The following TENM3 variants were observed in gnomAD, a reference collection of about 807,000 sequenced individuals.
TENM3 encodes teneurin-3.
In TENM3, 63 loss-of-function variants were observed where a neutral mutation model predicts 255.1. The observed-to-expected ratio is 0.25, with a 90% confidence interval of 0.20 to 0.30. The LOEUF is 0.30. TENM3 is among the 10% of genes least tolerant of loss of function. The pLI, the probability that TENM3 is intolerant of heterozygous loss-of-function variation, is 1.00. For synonymous variants in TENM3, 1,306 were observed against 1,322.3 expected (o/e 0.99, Z 0.27); for missense variants, 2,929 against 3,461.1 (o/e 0.85, Z 3.86).
chr4:182,609,394 T>C (rs573767186), intron 4 of TENM3, among the ~76,000 whole-genome samples: 38 of 152,362 alleles, frequency 2.5e-4, no homozygotes, highest in Admixed American at 9.1e-4. Flanking sequence ...TTTGCCTACT[T>C]TCTTCTCCAC....
Position 182,598,497 on chromosome 4 carries a change from AC to A in TENM3, c.512-2425del, listed in dbSNP as rs538847840. 8.3e-3 allele frequency among the ~76,000 whole-genome samples: 1,261 copies of A among 152,268 alleles called. 9 individuals carry two copies. The highest frequency in any genetic ancestry group is 0.012 in the Non-Finnish European group (832 of 68,026). On this transcript the variant is annotated intron_variant, in intron 3 of 27. Transcript: ENST00000511685. The stretch of plus-strand genomic sequence containing the variant: ...AAAGCAGCAGCTGCTTATTTTTGAA[AC>A]CTTAATGGAAGTTTTCCCAATGGTT...
intron 2 of TENM3, among the ~76,000 whole-genome samples, chr4:182,338,124 C>T (rs936695276): frequency 1.3e-5 from 2 of 152,046 alleles, no homozygotes; most frequent in African/African-American, 4.8e-5. Flanking sequence ...ATAAATACAA[C>T]AGAAGCAAAA....
intron 1 of TENM3, among the ~76,000 whole-genome samples, chr4:182,210,585 A>G (rs1382381841): frequency 1.4e-5 from 2 of 147,490 alleles, no homozygotes; most frequent in Non-Finnish European, 3.0e-5. Context: ...ATTTTTTAGA[A>G]CTGTCTCGCT....
chr4:181,629,549 C>T, the TENM3 span, among the ~76,000 whole-genome samples: 4 of 152,220 alleles, frequency 2.6e-5, no homozygotes, highest in Admixed American at 6.5e-5. Context: ...GCATGAAGGG[C>T]TGTTGAATTT....
In TENM3 at chr4:182,800,447, C is replaced by T; in HGVS notation, c.*96C>T. 7.2e-7 allele frequency: 1 copy of T among 1,397,222 alleles called. No homozygotes were observed. Among genetic ancestry groups the T allele is most frequent in the Non-Finnish European group, 9.4e-7 (1 of 1,061,902 alleles). The allele number at this position is 1,397,222 out of a possible 1,614,324, so 86.6% of individuals were successfully genotyped here. ...TCTCCAACGCCCAAGAGCCTTCCTC[C>T]CGGGGGAATGAGACTGCTGTTACGA... On this transcript the variant is annotated 3_prime_UTR_variant, in exon 28 of 28. Coordinates refer to ENST00000511685, the MANE Select transcript of TENM3 (RefSeq NM_001080477.4).
chr4:182,342,944 C>A (rs140651045), intron 2 of TENM3, among the ~76,000 whole-genome samples: 14 of 152,258 alleles, frequency 9.2e-5, no homozygotes, highest in African/African-American at 2.6e-4. Flanking sequence ...AGAAAAAGAA[C>A]AAATAGCTAA....
the TENM3 span, among the ~76,000 whole-genome samples, chr4:181,812,445 A>C: frequency 6.6e-6 from 1 of 152,324 alleles, no homozygotes; most frequent in South Asian, 2.1e-4. Context: ...ATAAAGGAAA[A>C]ATTAGTTATG....
the TENM3 span, among the ~76,000 whole-genome samples, chr4:181,703,391 T>C: frequency 1.3e-5 from 2 of 152,220 alleles, no homozygotes; most frequent in East Asian, 3.8e-4. Context: ...ATATTATTTC[T>C]AACATACGTG....
At chr4:181,928,575 G>A in the TENM3 span, among the ~76,000 whole-genome samples, 880 of 151,804 alleles carry the variant, frequency 5.8e-3, 8 homozygotes, top group African/African-American at 0.019. Context: ...TGAAAGTGAC[G>A]GGAAGAATGG....
At chr4:182,218,387 C>T (rs1755638492) in intron 1 of TENM3, among the ~76,000 whole-genome samples, 2 of 152,164 alleles carry the variant, frequency 1.3e-5, no homozygotes, top group Admixed American at 1.3e-4. Context: ...GTTACTCTTC[C>T]AGTTTTTACG....
At chr4:182,645,458 T>A (rs964208761) in intron 5 of TENM3, among the ~76,000 whole-genome samples, 14 of 152,086 alleles carry the variant, frequency 9.2e-5, no homozygotes, top group African/African-American at 3.4e-4. Flanking sequence ...AGGCATTGTA[T>A]AAGTCAGGAG....
At chr4:182,738,640 T>G in intron 18 of TENM3, 96 bp downstream of exon 18, 1 of 1,019,288 alleles carries the variant, frequency 9.8e-7, no homozygotes, top group Non-Finnish European at 1.4e-6. Flanking sequence ...TAGCAACATT[T>G]TATGCTATCC....
chr4:182,716,678 A>G (rs1033785838), intron 13 of TENM3, among the ~76,000 whole-genome samples: 1 of 152,230 alleles, frequency 6.6e-6, no homozygotes, highest in Admixed American at 6.5e-5. Context: ...CCCCAAATCA[A>G]AACACGAAAG....
At chr4:181,448,201 C>G in the TENM3 span, among the ~76,000 whole-genome samples, 6 of 112,216 alleles carry the variant, frequency 5.3e-5, no homozygotes, top group East Asian at 1.1e-3. Flanking sequence ...GAGTCTCGCT[C>G]TGTCGCCCAG....
the TENM3 span, among the ~76,000 whole-genome samples, chr4:181,602,691 T>C: frequency 2.0e-3 from 300 of 152,286 alleles, no homozygotes; most frequent in African/African-American, 6.9e-3. Context: ...GTATGGTACA[T>C]CTAAAACTCA....
chr4:182,708,797 CAA>C (rs530056176), intron 12 of TENM3, among the ~76,000 whole-genome samples: 2 of 104,374 alleles, frequency 1.9e-5, no homozygotes, highest in Admixed American at 1.1e-4. Context: ...GACTCCGTCT[CAA>C]AAAAAAAAAA....
chr4:181,710,607 C>T, the TENM3 span, among the ~76,000 whole-genome samples: 1 of 151,866 alleles, frequency 6.6e-6, no homozygotes, highest in African/African-American at 2.4e-5. Flanking sequence ...CCCAGCTACT[C>T]GGGAGGCCAG....
At chr4:181,914,796 G>GA in the TENM3 span, among the ~76,000 whole-genome samples, 52 of 152,118 alleles carry the variant, frequency 3.4e-4, no homozygotes, top group Non-Finnish European at 6.3e-4. Context: ...GACTTGGGAA[G>GA]AAAAAGAGAC....
chr4:181,819,138 A>T, the TENM3 span, among the ~76,000 whole-genome samples: 1 of 152,130 alleles, frequency 6.6e-6, no homozygotes, highest in Non-Finnish European at 1.5e-5. Context: ...CTTGTCATCT[A>T]CCATGAGATT....
Sources: allele counts gnomAD v4.1 joint callset (sites outside exome capture counted in the v4.1 genomes callset), GRCh38; gene constraint gnomAD v4.1.1; transcripts MANE v1.5; gene names NCBI Gene and HGNC (gene_info 2026-07-23, HGNC 2026-07-21).